Variants in PRCD observed in about 807,000 individuals in gnomAD.
PRCD encodes photoreceptor disc component.
PRCD carries 12 observed loss-of-function variants against 10.1 expected under a neutral mutation model. The observed-to-expected ratio is 1.18, with a 90% CI of 0.76 to 1.92. The LOEUF is 1.92. PRCD is among the 40% of genes most tolerant of loss of function. PRCD has a pLI of 0.00. For synonymous variants in PRCD, 31 were observed against 26.2 expected (o/e 1.18, Z -0.56); for missense variants, 61 against 72.2 (o/e 0.84, Z 0.56).
Position 76,531,676 on chromosome 17 carries a change from G to T in PRCD, n.45+3843G>T, listed in dbSNP as rs1372060832. On this transcript the variant is annotated intron_variant and non_coding_transcript_variant, in intron 1 of 4. Transcript: ENST00000397633. The surrounding 1 kb of genome is among the most constrained non-coding windows in gnomAD (Gnocchi z 7.4). ...GGCTGAAGTACTGCTTGGCCGAGGG[G>T]AAGTTCACAAAGAACCTGGCAAGAG... 6.3e-7 allele frequency: 1 copy of T among 1,595,738 alleles called. No individual in the cohort carries two copies. Among genetic ancestry groups the T allele is most frequent in the East Asian group, 2.3e-5 (1 of 44,328 alleles).
Position 76,540,254 on chromosome 17 carries a change from G to GTT in PRCD, c.74+39_74+40insTT, listed in dbSNP as rs575918636. The GTT allele has an allele frequency of 5.1e-5, 45 of 887,920 alleles. 4 individuals are homozygous for GTT. The Admixed American group carries it at 6.7e-4, about 13-fold the overall frequency. 55.0% of individuals were successfully genotyped at this position (887,920 alleles called of 1,614,324 possible). On this transcript the variant is annotated intron_variant, in intron 1 of 4. Transcript: ENST00000592014. This position sits in a 1 kb window ranked among gnomAD's most constrained non-coding sequence, Gnocchi z 5.0. ...CGGGCTATGGCTGGCGGTTGGTCGG[G>GTT]GGGGGGGGGCATGGGGCTGGGCTGC...
In PRCD at chr17:76,530,592, A is replaced by G. The variant is rs1474066960; in HGVS notation, n.45+2759A>G. Reference sequence around the variant, plus strand: ...GAAAAAACAGCCCCTTGTGATTGGCACCCAGGGAGGAAGTGGCTGGGCTGA... The same window carrying G: ...GAAAAAACAGCCCCTTGTGATTGGCGCCCAGGGAGGAAGTGGCTGGGCTGA... On this transcript the variant is annotated intron_variant and non_coding_transcript_variant, in intron 1 of 4. Transcript: ENST00000397633. This position sits in a 1 kb window ranked among gnomAD's most constrained non-coding sequence, Gnocchi z 6.1. Among the ~76,000 whole-genome samples the G allele has an allele frequency of 6.6e-6, 1 of 151,922 alleles. No homozygotes were observed. Among genetic ancestry groups the G allele is most frequent in the Non-Finnish European group, 1.5e-5 (1 of 67,932 alleles).
At position 76,543,264 on chromosome 17, in the gene PRCD, A is replaced by G. The variant is rs141875397; in HGVS notation, c.*152+143A>G. ...TCTCGGACGGGCTTCCTTCCCTCTGAGTTCCTGAGGCTCCTCTGAGGGACT... is the reference window on the plus strand; with the variant it reads ...TCTCGGACGGGCTTCCTTCCCTCTGGGTTCCTGAGGCTCCTCTGAGGGACT... On this transcript the variant is annotated intron_variant, in intron 4 of 4. Coordinates refer to ENST00000592014, the MANE Select transcript of PRCD (RefSeq NM_001077620.3). 2.7e-4 allele frequency: 97 copies of G among 361,120 alleles called. No homozygotes were observed. The East Asian group carries it at 6.8e-3, about 25-fold the overall frequency. The allele number at this position is 361,120 out of a possible 1,614,324, so 22.4% of individuals were successfully genotyped here. A position where few individuals can be genotyped will look rare whatever the true frequency, so the allele number is the denominator to read the frequency against.
In PRCD at chr17:76,531,165, G is replaced by A; in HGVS notation, n.45+3332G>A. On this transcript the variant is annotated intron_variant and non_coding_transcript_variant, in intron 1 of 4. Transcript: ENST00000397633. This position sits in a 1 kb window ranked among gnomAD's most constrained non-coding sequence, Gnocchi z 7.4. ...GATCTGGGGGCAAAGGGAGGAAGGG[G>A]GAGTGAACGCCCGGGCGCCCTGCGT... 6.2e-7 allele frequency: 1 copy of A among 1,605,816 alleles called. No homozygotes were observed. The highest frequency in any genetic ancestry group is 1.3e-5 in the African/African-American group (1 of 74,916).
At chr17:76,551,755 C>T (rs1277488213) in intron 1 of PRCD, 2 of 152,038 alleles carry the variant, frequency 1.3e-5, no homozygotes, top group Non-Finnish European at 2.9e-5. Context: ...CAAAAACGGT[C>T]CACTGTCATA....
In PRCD at chr17:76,528,557, A is replaced by AG. The variant is rs754447986; in HGVS notation, n.45+730dup. The AG allele has an allele frequency of 4.3e-5, 51 of 1,186,154 alleles. No homozygotes were observed. The highest frequency in any genetic ancestry group is 2.2e-4 in the Middle Eastern group (1 of 4,606). 73.5% of individuals were successfully genotyped at this position (1,186,154 alleles called of 1,614,324 possible). ...CCTTCTGCTCGAGGTGCTGCCAGGG[A>AG]GGGGGGTGGAGTTAGGGGTCCTACG... On this transcript the variant is annotated intron_variant and non_coding_transcript_variant, in intron 1 of 4. Coordinates refer to the PRCD transcript ENST00000397633. The surrounding 1 kb of genome is among the most constrained non-coding windows in gnomAD (Gnocchi z 5.8).
upstream of PRCD, chr17:76,537,285 C>A (rs2074928003): frequency 4.1e-6 from 5 of 1,223,730 alleles, no homozygotes; most frequent in Non-Finnish European, 5.3e-6. Context: ...TCGGACCGGC[C>A]CCATTCGCGG....
chr17:76,534,164 CTCTCTCTCTCTCTT>C lies in PRCD; in HGVS notation n.45+6335_46-6324del, dbSNP rs1244328952. Among the ~76,000 whole-genome samples the C allele has an allele frequency of 1.1e-4, 16 of 148,934 alleles. No individual in the cohort carries two copies. In the South Asian group the frequency reaches 2.2e-3, roughly 20 times the overall value. The stretch of plus-strand genomic sequence containing the variant: ...TTTCTCTTTCTCTCTCTCTCTCTCT[CTCTCTCTCTCTCTT>C]TCTTTCTTTCTTTCTTGAGACAGAA... On this transcript the variant is annotated intron_variant and non_coding_transcript_variant, in intron 1 of 4. Coordinates refer to the PRCD transcript ENST00000397633.
chr17:76,543,870 G>A lies in PRCD; in HGVS notation c.*220G>A. ...TCAATAAGAAATGCCAGTTGGATCT[G>A]TGACATGTCTGCCTGCAGCTGGATG... On this transcript the variant is annotated 3_prime_UTR_variant, in exon 5 of 5. Coordinates refer to ENST00000592014, the MANE Select transcript of PRCD (RefSeq NM_001077620.3). 2.1e-6 allele frequency: 1 copy of A among 471,128 alleles called. No homozygotes were observed. The highest frequency in any genetic ancestry group is 1.5e-5 in the South Asian group (1 of 64,564). 29.2% of individuals were successfully genotyped at this position (471,128 alleles called of 1,614,324 possible).
intron 1 of PRCD, chr17:76,529,044 GCCCCCCCCCCA>G: frequency 1.3e-6 from 1 of 784,100 alleles, no homozygotes; most frequent in Non-Finnish European, 1.5e-6. Flanking sequence ...CAGTCATTGC[GCCCCCCCCCCA>G]CCCCCCACCC....
rs1169694716 is a variant in PRCD at position 76,552,864 on chromosome 17, C to CAAAAAAA, written n.84-233_84-227dup. On this transcript the variant is annotated intron_variant and non_coding_transcript_variant, in intron 1 of 1. Coordinates refer to the PRCD transcript ENST00000587063. ...GGGCGACAAGAGCAAAGCTCTGTCT[C>CAAAAAAA]AAAAAAAAAAAAAAAAAATATATAT... The CAAAAAAA allele has an allele frequency of 6.4e-4, 55 of 85,830 alleles. 1 individual carries two copies. Among genetic ancestry groups the CAAAAAAA allele is most frequent in the African/African-American group, 1.8e-3 (44 of 23,860 alleles). 5.3% of individuals were successfully genotyped at this position (85,830 alleles called of 1,614,324 possible). A position where few individuals can be genotyped will look rare whatever the true frequency, so the allele number is the denominator to read the frequency against.
Position 76,531,883 on chromosome 17 carries a change from A to C in PRCD, n.45+4050A>C, listed in dbSNP as rs2074849285. ...CTGGCCAAGCCGGCTCACCCCTACCAAGTCTGGCCATGTCTATCTGCCAGG... is the reference window on the plus strand; with the variant it reads ...CTGGCCAAGCCGGCTCACCCCTACCCAGTCTGGCCATGTCTATCTGCCAGG... On this transcript the variant is annotated intron_variant and non_coding_transcript_variant, in intron 1 of 4. Coordinates refer to the PRCD transcript ENST00000397633. This position sits in a 1 kb window ranked among gnomAD's most constrained non-coding sequence, Gnocchi z 7.4. 3.7e-6 allele frequency: 2 copies of C among 537,198 alleles called. No individual in the cohort carries two copies. Among genetic ancestry groups the C allele is most frequent in the Non-Finnish European group, 3.3e-6 (1 of 301,220 alleles). The allele number at this position is 537,198 out of a possible 1,614,324, so 33.3% of individuals were successfully genotyped here.
downstream of PRCD, among the ~76,000 whole-genome samples, chr17:76,548,729 T>C (rs1210425027): frequency 6.6e-6 from 1 of 152,232 alleles, no homozygotes; most frequent in Non-Finnish European, 1.5e-5. Flanking sequence ...CGAAAGCAAC[T>C]GTAATGAACT....
At chr17:76,547,858 T>C (rs940171747), downstream of PRCD, among the ~76,000 whole-genome samples, 4 of 141,208 alleles carry the variant, frequency 2.8e-5, no homozygotes, top group South Asian at 9.1e-4. Context: ...CACACAGACA[T>C]ACACATATAC....
In PRCD at chr17:76,540,891, C is replaced by G. The variant is rs567587638; in HGVS notation, c.143+318C>G. Among the ~76,000 whole-genome samples, 3 of 152,342 alleles carry G rather than the reference C, an allele frequency of 2.0e-5. No individual in the cohort carries two copies. Among genetic ancestry groups the G allele is most frequent in the East Asian group, 3.9e-4 (2 of 5,188 alleles). On this transcript the variant is annotated intron_variant, in intron 2 of 4. Coordinates refer to ENST00000592014, the MANE Select transcript of PRCD (RefSeq NM_001077620.3). The surrounding 1 kb of genome is among the most constrained non-coding windows in gnomAD (Gnocchi z 5.0). ...AAGGAGGGATGAGGCAGGAGTAGCT[C>G]TGTGTGGCTTTGCTCGCCTTTCCTT...
At chr17:76,539,894 C>T (rs559778956), upstream of PRCD, 20 of 586,554 alleles carry the variant, frequency 3.4e-5, no homozygotes, top group Middle Eastern at 4.5e-4. Context: ...ACTCCGAATA[C>T]GTGCTCAATG....
chr17:76,535,126 G>C (rs1308674151), upstream of PRCD, among the ~76,000 whole-genome samples: 1 of 152,184 alleles, frequency 6.6e-6, no homozygotes, highest in Non-Finnish European at 1.5e-5. Context: ...ATGGAAGTGT[G>C]GGGTCTGCCT....
rs751296907 is a variant in PRCD, at chr17:76,544,336, C to T, written c.*686C>T. 3.1e-5 allele frequency: 14 copies of T among 454,508 alleles called. No homozygotes were observed. The highest frequency in any genetic ancestry group is 6.0e-5 in the African/African-American group (3 of 49,998). 28.2% of individuals were successfully genotyped at this position (454,508 alleles called of 1,614,324 possible). ...GTTCTCTAGACAGCAGCACTTCAGC[C>T]GCCACTCTGCCTCTGAAGGGAAGGA... On this transcript the variant is annotated 3_prime_UTR_variant, in exon 5 of 5. Transcript: ENST00000592014.
upstream of PRCD, among the ~76,000 whole-genome samples, chr17:76,539,278 G>A (rs2074959042): frequency 6.6e-6 from 1 of 152,166 alleles, no homozygotes; most frequent in Non-Finnish European, 1.5e-5. Flanking sequence ...CTTGGGATGT[G>A]GAAAGAAAAT....
Sources: allele counts gnomAD v4.1 joint callset (sites outside exome capture counted in the v4.1 genomes callset), GRCh38; gene constraint gnomAD v4.1.1; non-coding constraint Gnocchi (gnomAD v3.1); transcripts MANE v1.5; gene names NCBI Gene and HGNC (gene_info 2026-07-23, HGNC 2026-07-21).